SHANK2: variants seen among roughly 807,000 people sequenced by gnomAD.
SHANK2 encodes SH3 and multiple ankyrin repeat domains protein 2.
In SHANK2, 43 loss-of-function variants were observed where a neutral mutation model predicts 133.7. The ratio of observed to expected loss-of-function variants is 0.32; its 90% confidence interval spans 0.25 to 0.41. The LOEUF is 0.41. Ranked by LOEUF, SHANK2 falls within the 10% of genes least tolerant of loss-of-function variation. The pLI is 1.00. For missense variants in SHANK2, 1,994 were observed against 2,235.8 expected (o/e 0.89, Z 2.18); for synonymous variants, 1,017 against 952.8 (o/e 1.07, Z -1.24).
At chr11:70,676,141 G>C (rs782181244) in intron 15 of SHANK2, among the ~76,000 whole-genome samples, 26 of 152,232 alleles carry the variant, frequency 1.7e-4, no homozygotes, top group Non-Finnish European at 3.1e-4. Context: ...GTGACACTGT[G>C]TGCTTAGAGG....
At chr11:70,626,751 T>A (rs1483675571) in intron 17 of SHANK2, among the ~76,000 whole-genome samples, 6 of 152,108 alleles carry the variant, frequency 3.9e-5, no homozygotes, top group Non-Finnish European at 8.8e-5. Flanking sequence ...AAGGTCCAGA[T>A]GCAGCCCCTT....
Position 70,475,931 on chromosome 11 carries a change from G to T in SHANK2, c.4980-2492C>A, listed in dbSNP as rs1024741545. Reference sequence around the variant, plus strand: ...TCTGGGCCCAGTTACTCACAATCAAGAAATCAGAGGCTGCACACGGTGGCT... The same window carrying T: ...TCTGGGCCCAGTTACTCACAATCAATAAATCAGAGGCTGCACACGGTGGCT... On this transcript the variant is annotated intron_variant, in intron 25 of 25. Transcript: ENST00000601538. Among the ~76,000 whole-genome samples the T allele has an allele frequency of 2.0e-5, 3 of 152,118 alleles. No individual in the cohort carries two copies. In the South Asian group the frequency reaches 6.2e-4, roughly 32 times the overall value.
At chr11:70,771,875 C>T (rs955667666) in intron 14 of SHANK2, among the ~76,000 whole-genome samples, 3 of 152,184 alleles carry the variant, frequency 2.0e-5, no homozygotes, top group Non-Finnish European at 4.4e-5. Context: ...TCTGTGCCAT[C>T]AAGGTGAGGA....
Position 70,775,315 on chromosome 11 carries a change from G to A in SHANK2, c.1777+23128C>T, listed in dbSNP as rs562403690. On this transcript the variant is annotated intron_variant, in intron 14 of 25. Transcript: ENST00000601538. ...TACTAAAAACATAAAAATTAGCTGG[G>A]GGCATTGGCACGTGTTTGTAATCCC... Among the ~76,000 whole-genome samples, 16 of 152,238 alleles carry A rather than the reference G, an allele frequency of 1.1e-4. No homozygotes were observed. The South Asian group carries it at 3.3e-3, about 32-fold the overall frequency.
At chr11:71,160,483 G>T (rs1555109768) in intron 2 of SHANK2, among the ~76,000 whole-genome samples, 1 of 152,156 alleles carries the variant, frequency 6.6e-6, no homozygotes, top group South Asian at 2.1e-4. Context: ...GCGTGTTCAC[G>T]TGTGGTCATG....
chr11:71,120,961 G>A (rs1565462949), intron 3 of SHANK2, among the ~76,000 whole-genome samples: 1 of 152,252 alleles, frequency 6.6e-6, no homozygotes, highest in Non-Finnish European at 1.5e-5. Flanking sequence ...GCCACTGCAG[G>A]TGATTGCAAA....
intron 20 of SHANK2, among the ~76,000 whole-genome samples, chr11:70,501,357 C>T (rs1304435693): frequency 1.3e-5 from 2 of 152,228 alleles, no homozygotes; most frequent in African/African-American, 2.4e-5. Flanking sequence ...GCAGGGAGGA[C>T]GGGGCCTGTG....
At chr11:70,651,352 TG>T (rs782600012) in intron 17 of SHANK2, among the ~76,000 whole-genome samples, 2 of 152,222 alleles carry the variant, frequency 1.3e-5, no homozygotes, top group Non-Finnish European at 2.9e-5. Flanking sequence ...GCAAGATTCC[TG>T]GGCCACTCCT....
intron 11 of SHANK2, among the ~76,000 whole-genome samples, chr11:70,842,295 A>G (rs1481605796): frequency 1.3e-5 from 2 of 152,182 alleles, no homozygotes; most frequent in Non-Finnish European, 2.9e-5. Context: ...AAAGAGACAG[A>G]CACTCCAGGG....
chr11:70,840,063 G>C (rs1011619827), intron 11 of SHANK2, among the ~76,000 whole-genome samples: 1 of 152,216 alleles, frequency 6.6e-6, no homozygotes, highest in Non-Finnish European at 1.5e-5. Flanking sequence ...AGAGGGCGTG[G>C]GGCCCACCAG....
intron 2 of SHANK2, among the ~76,000 whole-genome samples, chr11:71,191,122 G>A (rs980261459): frequency 2.0e-5 from 3 of 151,750 alleles, no homozygotes; most frequent in Admixed American, 6.6e-5. Context: ...AGTAAGCCAC[G>A]ATTGCTCCGG....
chr11:71,142,006 GC>G (rs1952563582), intron 3 of SHANK2, among the ~76,000 whole-genome samples: 1 of 151,850 alleles, frequency 6.6e-6, no homozygotes, highest in South Asian at 2.1e-4. Flanking sequence ...AAGAAGAAAA[GC>G]CCCCGAGAAT....
At chr11:70,948,971 T>C (rs1423446805) in intron 10 of SHANK2, among the ~76,000 whole-genome samples, 1 of 152,164 alleles carries the variant, frequency 6.6e-6, no homozygotes, top group Non-Finnish European at 1.5e-5. Context: ...AACTTTACAC[T>C]ACGGCTCATT....
intron 8 of SHANK2, among the ~76,000 whole-genome samples, chr11:71,091,399 A>G (rs1386921600): frequency 1.3e-5 from 2 of 152,200 alleles, no homozygotes; most frequent in Non-Finnish European, 2.9e-5. Flanking sequence ...CACAGTGGGC[A>G]GAGTGCATAA....
chr11:71,198,027 G>A (rs892478760), intron 2 of SHANK2, among the ~76,000 whole-genome samples: 3 of 152,192 alleles, frequency 2.0e-5, no homozygotes, highest in Admixed American at 1.3e-4. Context: ...AGCAGTTGCC[G>A]AAGCTTCACT....
intron 17 of SHANK2, among the ~76,000 whole-genome samples, chr11:70,527,143 G>A (rs1158478542): frequency 1.3e-5 from 2 of 152,238 alleles, no homozygotes; most frequent in African/African-American, 4.8e-5. Context: ...GCTGTGGTCT[G>A]GGCGGGCCCT....
intron 20 of SHANK2, 56 bp downstream of exon 20, chr11:70,501,867 G>A: frequency 6.5e-7 from 1 of 1,543,456 alleles, no homozygotes; most frequent in Non-Finnish European, 8.8e-7. Context: ...GGATGTCAGT[G>A]GGGGTGCCCT....
chr11:70,833,973 A>C (rs980568233), intron 11 of SHANK2, among the ~76,000 whole-genome samples: 3 of 152,236 alleles, frequency 2.0e-5, no homozygotes, highest in Non-Finnish European at 4.4e-5. Flanking sequence ...CTCCAAGTTG[A>C]TGAAGGCACA....
rs1948181558 is a variant in SHANK2, at chr11:70,807,139, G to A, written c.1526C>T (p.Ser509Leu). ...SPFALGANKD[S>L]LSAFEYPGPK... is the part of the protein sequence containing the mutation. Reference sequence around the variant, plus strand: ...CCCCGGGTACTCGAAGGCCGAGAGTGAGTCCTTGTTGGCACCAAGAGCAAA... The same window carrying A: ...CCCCGGGTACTCGAAGGCCGAGAGTAAGTCCTTGTTGGCACCAAGAGCAAA... The change falls in exon 13 of 26, where the codon TCA becomes TTA. Residue 509 changes from serine (S) to leucine (L), a missense_variant. This residue lies in a region of SHANK2 where 653 missense variants were observed against 563.4 expected (regional missense o/e 1.16). Coordinates refer to ENST00000601538, the MANE Select transcript of SHANK2 (RefSeq NM_012309.5). This position sits in a 1 kb window ranked among gnomAD's most constrained non-coding sequence, Gnocchi z 4.8. 2 of 717,856 alleles carry A rather than the reference G, an allele frequency of 2.8e-6. No individual in the cohort carries two copies. The highest frequency in any genetic ancestry group is 1.5e-5 in the South Asian group (1 of 67,574). 44.5% of individuals were successfully genotyped at this position (717,856 alleles called of 1,614,324 possible). A position where few individuals can be genotyped will look rare whatever the true frequency, so the allele number is the denominator to read the frequency against.
Sources: allele counts gnomAD v4.1 joint callset (sites outside exome capture counted in the v4.1 genomes callset), GRCh38; gene constraint gnomAD v4.1.1; regional missense constraint gnomAD v4.1.1; non-coding constraint Gnocchi (gnomAD v3.1); transcripts MANE v1.5; gene names NCBI Gene and HGNC (gene_info 2026-07-23, HGNC 2026-07-21).